Variants in RGS12 observed in about 807,000 individuals in gnomAD.
The protein encoded by RGS12 is regulator of G-protein signaling 12.
In RGS12, 66 loss-of-function variants were observed where a neutral mutation model predicts 120.1. That is an observed-to-expected ratio of 0.55 (90% CI 0.45 to 0.67). The LOEUF is 0.67. Ranked by LOEUF, RGS12 falls within the 30% of genes least tolerant of loss-of-function variation. RGS12 has a pLI of 0.00. For synonymous variants in RGS12, 827 were observed against 804.7 expected (o/e 1.03, Z -0.47); for missense variants, 1,859 against 1,957.7 (o/e 0.95, Z 0.95).
At chr4:3,318,073 C>G in intron 2 of RGS12, 22 bp downstream of exon 2, 4 of 1,574,706 alleles carry the variant, frequency 2.5e-6, no homozygotes, top group Non-Finnish European at 3.5e-6. Flanking sequence ...AGGAGCCACT[C>G]AGCGCGGAGG....
rs1248310024 is a variant in RGS12 at position 3,416,916 on chromosome 4, T to G, written c.2431T>G (p.Phe811Val). The G allele has an allele frequency of 4.4e-6, 7 of 1,597,690 alleles. No individual in the cohort carries two copies. Among genetic ancestry groups the G allele is most frequent in the African/African-American group, 1.3e-5 (1 of 74,664 alleles). Residue 811 changes from phenylalanine to valine, a missense_variant, in exon 8 of 18, where the codon TTC (phenylalanine) becomes GTC (valine). By Grantham distance (50) the Phe-to-Val change is conservative. Coordinates refer to ENST00000336727, the MANE Select transcript of RGS12 (RefSeq NM_001394154.1). ...CCACCTTACATCTTCTCCCCAGATC[T>G]TCAATCTCATGAAGTTTGATAGCTA... ...DMFKEQQLQIFNLMKFDSYTR... is the reference protein window; with the variant it reads ...DMFKEQQLQIVNLMKFDSYTR...
chr4:3,299,316 C>G (rs1723549252), intron 1 of RGS12, among the ~76,000 whole-genome samples: 1 of 152,100 alleles, frequency 6.6e-6, no homozygotes, highest in Admixed American at 6.5e-5. Context: ...CACTGTTCAG[C>G]CACCCAGCCC....
At chr4:3,349,031 T>C (rs1044280072) in intron 3 of RGS12, among the ~76,000 whole-genome samples, 8 of 152,292 alleles carry the variant, frequency 5.3e-5, no homozygotes, top group South Asian at 2.1e-4. Context: ...TAAACATACT[T>C]CAGAATTAAA....
At chr4:3,355,126 A>G (rs1260217617) in intron 3 of RGS12, among the ~76,000 whole-genome samples, 1 of 152,188 alleles carries the variant, frequency 6.6e-6, no homozygotes, top group Non-Finnish European at 1.5e-5. Context: ...AGGACACACT[A>G]TTTTTTAACA....
At chr4:3,381,833 T>C (rs75973212) in intron 3 of RGS12, among the ~76,000 whole-genome samples, 28 of 152,350 alleles carry the variant, frequency 1.8e-4, no homozygotes, top group African/African-American at 6.7e-4. Context: ...GTCATGACTT[T>C]TCCTGACAAG....
chr4:3,389,522 G>A lies in RGS12; in HGVS notation c.2020+3085G>A, dbSNP rs1339530127. Among the ~76,000 whole-genome samples, 3 of 152,146 alleles carry A rather than the reference G, an allele frequency of 2.0e-5. 1 individual carries two copies. The highest frequency in any genetic ancestry group is 7.2e-5 in the African/African-American group (3 of 41,414). On this transcript the variant is annotated intron_variant, in intron 4 of 17. Coordinates refer to ENST00000336727, the MANE Select transcript of RGS12 (RefSeq NM_001394154.1). The surrounding 1 kb of genome is among the most constrained non-coding windows in gnomAD (Gnocchi z 5.2). The stretch of plus-strand genomic sequence containing the variant: ...GGAACCTCTCACCTCTCCTGGTCTG[G>A]CTCTGCACAGAGCTGGAGCCGCGGC...
intron 2 of RGS12, among the ~76,000 whole-genome samples, chr4:3,338,652 CG>C (rs1712743393): frequency 6.6e-6 from 1 of 152,122 alleles, no homozygotes; most frequent in Non-Finnish European, 1.5e-5. Context: ...GGTTGGCGGG[CG>C]GGCGGTGTCT....
intron 1 of RGS12, among the ~76,000 whole-genome samples, chr4:3,305,995 T>A (rs192573467): frequency 6.6e-6 from 1 of 152,338 alleles, no homozygotes; most frequent in Admixed American, 6.5e-5. Flanking sequence ...TTTATGGGCC[T>A]CCTGGGAGTC....
At chr4:3,289,510 TTTTA>T (rs1171136879), upstream of RGS12, among the ~76,000 whole-genome samples, 1 of 152,148 alleles carries the variant, frequency 6.6e-6, no homozygotes, top group African/African-American at 2.4e-5. Context: ...GGCCTACAAT[TTTTA>T]TTTTTTACTT....
chr4:3,312,131 T>C (rs1724440155), intron 1 of RGS12, among the ~76,000 whole-genome samples: 1 of 152,202 alleles, frequency 6.6e-6, no homozygotes, highest in Non-Finnish European at 1.5e-5. Flanking sequence ...GCAGGCGTTC[T>C]TACTGGTAGC....
chr4:3,310,723 C>T (rs1724338832), intron 1 of RGS12, among the ~76,000 whole-genome samples: 1 of 151,334 alleles, frequency 6.6e-6, no homozygotes, highest in African/African-American at 2.4e-5. Context: ...CAGCTGTGGG[C>T]ACTGTGAGGT....
In RGS12 at chr4:3,389,443, T is replaced by TG. The variant is rs1312794451; in HGVS notation, c.2020+3010dup. Among the ~76,000 whole-genome samples the TG allele has an allele frequency of 6.6e-6, 1 of 152,080 alleles. No homozygotes were observed. The highest frequency in any genetic ancestry group is 1.5e-5 in the Non-Finnish European group (1 of 67,996). ...AGTGTGAGGTCGAGCTGGAGGGAGA[T>TG]GGGGCGTTGTGAAGAAATGAGAAAA... On this transcript the variant is annotated intron_variant, in intron 4 of 17. Coordinates refer to ENST00000336727, the MANE Select transcript of RGS12 (RefSeq NM_001394154.1). This position sits in a 1 kb window ranked among gnomAD's most constrained non-coding sequence, Gnocchi z 5.2.
At chr4:3,377,817 T>G (rs1717853321) in intron 3 of RGS12, among the ~76,000 whole-genome samples, 1 of 152,244 alleles carries the variant, frequency 6.6e-6, no homozygotes, top group Non-Finnish European at 1.5e-5. Flanking sequence ...AGAGGTTGTG[T>G]GGACTTAAGT....
chr4:3,336,539 G>A (rs1712486191), intron 2 of RGS12, among the ~76,000 whole-genome samples: 1 of 152,162 alleles, frequency 6.6e-6, no homozygotes, highest in Non-Finnish European at 1.5e-5. Context: ...TATTTGTTCA[G>A]TAAGTATTCA....
intron 17 of RGS12, among the ~76,000 whole-genome samples, chr4:3,438,107 C>T (rs1034796733): frequency 1.3e-5 from 2 of 152,046 alleles, no homozygotes; most frequent in Non-Finnish European, 2.9e-5. Context: ...TAGCAGGGAC[C>T]CCCTGTCCCT....
chr4:3,309,553 G>A lies in RGS12; in HGVS notation c.-101-6517G>A, dbSNP rs1477750240. 2.5e-3 allele frequency among the ~76,000 whole-genome samples: 259 copies of A among 102,674 alleles called. 1 individual carries two copies. Among genetic ancestry groups the A allele is most frequent in the African/African-American group, 1.0e-2 (210 of 21,056 alleles). 67.4% of individuals were successfully genotyped at this position (102,674 alleles called of 152,430 possible). ...AGAGCTGAGCAGGAGAGGAGCTGGG[G>A]CCTGGGAATGGCAGGTGTCTGCTGA... On this transcript the variant is annotated intron_variant, in intron 1 of 17. Coordinates refer to ENST00000336727, the MANE Select transcript of RGS12 (RefSeq NM_001394154.1).
chr4:3,310,048 CTCT>C (rs1724277083), intron 1 of RGS12, among the ~76,000 whole-genome samples: 1 of 144,538 alleles, frequency 6.9e-6, no homozygotes, highest in Non-Finnish European at 1.5e-5. Context: ...GGCAGGTGTC[CTCT>C]GAGGGGAACC....
chr4:3,334,957 A>ATGTTT (rs769168388), intron 2 of RGS12, among the ~76,000 whole-genome samples: 11 of 151,910 alleles, frequency 7.2e-5, no homozygotes, highest in African/African-American at 2.2e-4. Context: ...TTCTTGCCTT[A>ATGTTT]TGTTTTGTTT....
chr4:3,400,666 A>G (rs1255783357), intron 4 of RGS12, among the ~76,000 whole-genome samples: 2 of 148,636 alleles, frequency 1.3e-5, no homozygotes, highest in African/African-American at 4.9e-5. Context: ...ACTAGCTAGT[A>G]TTACTATTAG....
Sources: allele counts gnomAD v4.1 joint callset (sites outside exome capture counted in the v4.1 genomes callset), GRCh38; gene constraint gnomAD v4.1.1; non-coding constraint Gnocchi (gnomAD v3.1); transcripts MANE v1.5; gene names NCBI Gene and HGNC (gene_info 2026-07-23, HGNC 2026-07-21).